ERAP1: variants seen among roughly 807,000 people sequenced by gnomAD.
ERAP1 encodes the protein endoplasmic reticulum aminopeptidase 1, also known as adipocyte-derived leucine aminopeptidase.
In ERAP1, 86 loss-of-function variants were observed where a neutral mutation model predicts 103.7. The observed-to-expected ratio is 0.83, with a 90% CI of 0.70 to 0.99. The LOEUF (loss-of-function observed/expected upper bound fraction) is 0.99. Ranked by LOEUF, ERAP1 falls within the 50% of genes least tolerant of loss-of-function variation. ERAP1 has a pLI of 0.00. For synonymous variants in ERAP1, 398 were observed against 402.4 expected, an observed-to-expected ratio of 0.99 and a Z score of 0.13; for missense variants, 1,009 against 1,128.4, an observed-to-expected ratio of 0.89 and a Z score of 1.52.
chr5:96,872,699 T>G, the ERAP1 span, among the ~76,000 whole-genome samples: 1 of 152,246 alleles, frequency 6.6e-6, no homozygotes, highest in Admixed American at 6.5e-5. Context: ...CCCTAATTGA[T>G]TCTCGGATTG....
At chr5:96,878,302 G>A in the ERAP1 span, among the ~76,000 whole-genome samples, 1 of 151,992 alleles carries the variant, frequency 6.6e-6, no homozygotes, top group Non-Finnish European at 1.5e-5. Context: ...AATAAACTGG[G>A]GATAAATACC....
At chr5:96,930,398 G>A in the ERAP1 span, among the ~76,000 whole-genome samples, 2 of 152,184 alleles carry the variant, frequency 1.3e-5, no homozygotes, top group African/African-American at 2.4e-5. Flanking sequence ...GCTCCATTGC[G>A]CATGCACACA....
chr5:96,808,442 C>A (rs1245941279), upstream of ERAP1, among the ~76,000 whole-genome samples: 1 of 151,980 alleles, frequency 6.6e-6, no homozygotes, highest in Non-Finnish European at 1.5e-5. Flanking sequence ...GTCATCTCGC[C>A]ACTGCCAGTG....
chr5:96,776,502 C>T lies in ERAP1; in HGVS notation c.2720G>A (p.Cys907Tyr). Residue 907 changes from cysteine to tyrosine, a missense_variant, in exon 19 of 19, where the codon TGT (cysteine) becomes TAT (tyrosine). Physicochemically the swap from Cys to Tyr is radical, Grantham distance 194. This residue lies in a region of ERAP1 where 611 missense variants were observed against 651.7 expected (regional missense o/e 0.94). Coordinates refer to ENST00000443439, the MANE Select transcript of ERAP1 (RefSeq NM_001040458.3). ...AATGGTTTCAATTGTCTGTTGGACA[C>T]AACGGAGCTGAGAACCATTTTCTTT... ...SLKENGSQLRCVQQTIETIEE... is the reference protein window; with the variant it reads ...SLKENGSQLRYVQQTIETIEE... 6.2e-7 allele frequency: 1 copy of T among 1,614,182 alleles called. No individual in the cohort carries two copies.
chr5:96,776,604 TG>T, intron 18 of ERAP1, 53 bp from the exon 19 acceptor site: 1 of 1,594,916 alleles, frequency 6.3e-7, no homozygotes. Flanking sequence ...ATTAATCAGA[TG>T]TAACTTTAGT....
chr5:96,897,230 G>T, the ERAP1 span, among the ~76,000 whole-genome samples: 1 of 152,096 alleles, frequency 6.6e-6, no homozygotes, highest in Non-Finnish European at 1.5e-5. Flanking sequence ...GTATATATTT[G>T]TTGAGCAAAA....
At chr5:96,826,752 C>T in the ERAP1 span, among the ~76,000 whole-genome samples, 2 of 152,146 alleles carry the variant, frequency 1.3e-5, no homozygotes, top group Non-Finnish European at 2.9e-5. Flanking sequence ...TTTTTGACCC[C>T]TGCCTTGAAC....
intron 11 of ERAP1, 31 bp from the exon 12 acceptor site, chr5:96,786,580 T>G (rs1434000931): frequency 4.3e-6 from 6 of 1,386,848 alleles, no homozygotes; most frequent in Middle Eastern, 2.0e-4. Context: ...ATTGTTCATT[T>G]GTTGATTCAA....
chr5:96,781,690 C>CA lies in ERAP1; in HGVS notation c.2447+2dup. On this transcript the variant is annotated splice_region_variant and intron_variant, in intron 16 of 18. Transcript: ENST00000443439. ...CATGAACATGAATGAATGACGGACT[C>CA]ACCATTGAAGCTTTTCCTTATTTTG... 1 of 1,614,134 alleles carries CA rather than the reference C, an allele frequency of 6.2e-7. No homozygotes were observed. Among genetic ancestry groups the CA allele is most frequent in the South Asian group, 1.1e-5 (1 of 91,082 alleles).
At chr5:96,779,163 G>A (rs769412617) in intron 18 of ERAP1, among the ~76,000 whole-genome samples, 11 of 152,126 alleles carry the variant, frequency 7.2e-5, no homozygotes, top group Non-Finnish European at 1.6e-4. Context: ...GTCTGTAATT[G>A]TCTGATTCCC....
At chr5:96,786,863 T>A (rs1480805497) in intron 11 of ERAP1, 1 of 302,418 alleles carries the variant, frequency 3.3e-6, no homozygotes, top group Non-Finnish European at 6.4e-6. Flanking sequence ...GCCTCCTGAA[T>A]AGTATATTAG....
the ERAP1 span, among the ~76,000 whole-genome samples, chr5:96,843,790 G>T: frequency 7.9e-5 from 12 of 152,050 alleles, no homozygotes; most frequent in South Asian, 2.3e-3. Flanking sequence ...CTTCTTGAGG[G>T]GTCTGGAAGG....
At chr5:96,902,650 A>G in the ERAP1 span, 1 of 213,938 alleles carries the variant, frequency 4.7e-6, no homozygotes. Flanking sequence ...CAGGTTATGG[A>G]TAAGGCAAAA....
chr5:96,863,047 T>C, the ERAP1 span, among the ~76,000 whole-genome samples: 2 of 151,836 alleles, frequency 1.3e-5, no homozygotes, highest in Non-Finnish European at 2.9e-5. Context: ...ATTCACTTAT[T>C]TTTTTTTACA....
chr5:96,826,128 A>C, the ERAP1 span, among the ~76,000 whole-genome samples: 1 of 152,180 alleles, frequency 6.6e-6, no homozygotes, highest in Non-Finnish European at 1.5e-5. Context: ...CAGAGATTTT[A>C]ATTTCTTTTG....
downstream of ERAP1, among the ~76,000 whole-genome samples, chr5:96,770,894 A>G (rs1772067471): frequency 1.3e-5 from 2 of 152,170 alleles, no homozygotes; most frequent in South Asian, 4.1e-4. Context: ...TGTGGTTTAT[A>G]TAGATTTTAG....
At chr5:96,785,757 A>G (rs1775910546) in intron 13 of ERAP1, 31 bp downstream of exon 13, 1 of 1,611,738 alleles carries the variant, frequency 6.2e-7, no homozygotes, top group South Asian at 1.1e-5. Flanking sequence ...GCTTTCAGAA[A>G]TAAACCGCGA....
At chr5:96,908,698 A>G in the ERAP1 span, among the ~76,000 whole-genome samples, 2 of 152,232 alleles carry the variant, frequency 1.3e-5, no homozygotes, top group African/African-American at 4.8e-5. Context: ...TTAAAATATT[A>G]GGTCATTAAT....
the ERAP1 span, among the ~76,000 whole-genome samples, chr5:96,844,133 G>A: frequency 3.6e-4 from 55 of 152,180 alleles, no homozygotes; most frequent in East Asian, 0.011. Flanking sequence ...GTGGATGTTT[G>A]GTCTCACTGT....
Sources: gnomAD v4.1 joint callset for allele counts (sites outside exome capture counted in the v4.1 genomes callset) on GRCh38, gnomAD v4.1.1 for gene constraint, gnomAD v4.1.1 regional missense constraint, MANE v1.5 for transcripts, NCBI Gene and HGNC (gene_info 2026-07-23, HGNC 2026-07-21) for gene names.